CD96: variants seen among roughly 807,000 people sequenced by gnomAD.
The protein encoded by CD96 is T-cell surface protein tactile.
Under a neutral mutation model 71.3 loss-of-function variants are expected in CD96, and 70 were observed. The observed-to-expected ratio is 0.98, with a 90% CI of 0.81 to 1.20. The LOEUF (loss-of-function observed/expected upper bound fraction) is 1.20, where lower values mean the gene tolerates loss of function less well. Among genes scored for constraint, CD96 ranks in the 50% most tolerant of loss-of-function variants. The pLI, the probability that CD96 is intolerant of heterozygous loss-of-function variation, is 0.00. For synonymous variants in CD96, 248 were observed against 233.0 expected, an observed-to-expected ratio of 1.06 and a Z score of -0.59; for missense variants, 742 against 677.5, an observed-to-expected ratio of 1.10 and a Z score of -1.06.
chr3:111,647,874 T>C (rs1349503274), intron 13 of CD96, among the ~76,000 whole-genome samples: 1 of 152,166 alleles, frequency 6.6e-6, no homozygotes, highest in Non-Finnish European at 1.5e-5. Context: ...CCTCTCTGCA[T>C]TGGCCTAGTC....
intron 12 of CD96, among the ~76,000 whole-genome samples, chr3:111,644,417 C>T (rs2107777052): frequency 6.6e-6 from 1 of 151,966 alleles, no homozygotes; most frequent in East Asian, 1.9e-4. Context: ...ATTTCATGAC[C>T]AAGAACCCAA....
In CD96 at chr3:111,665,632, C is replaced by T. The variant is rs890596264; in HGVS notation, c.*158C>T. 4 of 152,186 alleles carry T rather than the reference C, an allele frequency of 2.6e-5. No individual in the cohort carries two copies. The East Asian group carries it at 5.8e-4, about 22-fold the overall frequency. The allele number at this position is 152,186 out of a possible 1,614,324, so 9.4% of individuals were successfully genotyped here. Reference sequence around the variant, plus strand: ...CTCCAGAGCAAACTTACCCTCTCACCGTTGAACCATTTCATATCAAAGAAA... The same window carrying T: ...CTCCAGAGCAAACTTACCCTCTCACTGTTGAACCATTTCATATCAAAGAAA... On this transcript the variant is annotated 3_prime_UTR_variant and NMD_transcript_variant, in exon 15 of 15. Transcript: ENST00000494798.
chr3:111,585,203 A>T (rs966030446), intron 4 of CD96, 120 bp from the exon 5 acceptor site: 1 of 346,476 alleles, frequency 2.9e-6, no homozygotes, highest in African/African-American at 2.2e-5. Context: ...ATAAATATTA[A>T]TTTATAAATA....
chr3:111,633,816 A>G (rs1402782765), intron 10 of CD96: 1 of 152,884 alleles, frequency 6.5e-6, no homozygotes, highest in Non-Finnish European at 1.5e-5. Context: ...AATCAAGATC[A>G]TCAAAATTCC....
intron 2 of CD96, among the ~76,000 whole-genome samples, chr3:111,555,533 G>A (rs1435520615): frequency 3.9e-5 from 6 of 152,282 alleles, no homozygotes; most frequent in African/African-American, 9.6e-5. Flanking sequence ...TCTTTCGATC[G>A]CCATTATTTC....
chr3:111,542,778 T>A (rs1576291018), intron 1 of CD96, among the ~76,000 whole-genome samples: 1 of 152,122 alleles, frequency 6.6e-6, no homozygotes, highest in African/African-American at 2.4e-5. Flanking sequence ...TCTTTGGGAG[T>A]TGAAAACACG....
At chr3:111,658,421 C>T (rs372597766) in intron 14 of CD96, among the ~76,000 whole-genome samples, 6 of 152,056 alleles carry the variant, frequency 3.9e-5, no homozygotes, top group Admixed American at 6.5e-5. Flanking sequence ...TTAAGAAATA[C>T]GAAGGGAGTG....
intron 13 of CD96, among the ~76,000 whole-genome samples, chr3:111,649,192 A>G (rs1211273074): frequency 1.3e-5 from 2 of 152,174 alleles, no homozygotes; most frequent in African/African-American, 4.8e-5. Context: ...GAATATTTTA[A>G]TCCACATAAA....
chr3:111,610,340 A>G (rs1937855194), intron 8 of CD96, among the ~76,000 whole-genome samples: 1 of 152,242 alleles, frequency 6.6e-6, no homozygotes, highest in Non-Finnish European at 1.5e-5. Context: ...GGTAGGATTC[A>G]CCTTTGCATG....
At chr3:111,591,138 GC>G (rs1003284772) in intron 5 of CD96, among the ~76,000 whole-genome samples, 12 of 152,108 alleles carry the variant, frequency 7.9e-5, no homozygotes, top group African/African-American at 2.9e-4. Flanking sequence ...ACTTTGGGAG[GC>G]CGAGGTGCGC....
Position 111,598,219 on chromosome 3 carries a change from A to G in CD96, c.898+9A>G. 9.0e-7 allele frequency: 1 copy of G among 1,105,522 alleles called. No homozygotes were observed. Among genetic ancestry groups the G allele is most frequent in the Non-Finnish European group, 1.4e-6 (1 of 716,352 alleles). The allele number at this position is 1,105,522 out of a possible 1,614,324, so 68.5% of individuals were successfully genotyped here. On this transcript the variant is annotated intron_variant, in intron 6 of 13. Transcript: ENST00000352690. ...TCATGATGAAAAAGAAGGTAAGGAA[A>G]CTAATCAATGGAAATAAGTTCGGTA... is the stretch of plus-strand genomic sequence containing the variant.
At chr3:111,636,547 A>G (rs556796356) in intron 10 of CD96, among the ~76,000 whole-genome samples, 2 of 152,306 alleles carry the variant, frequency 1.3e-5, no homozygotes, top group African/African-American at 2.4e-5. Context: ...CTTGCCAGAG[A>G]TGGGGCAATA....
At chr3:111,545,520 G>A (rs781641997) in intron 2 of CD96, 118 bp downstream of exon 2, 2 of 741,416 alleles carry the variant, frequency 2.7e-6, no homozygotes, top group Non-Finnish European at 4.8e-6. Flanking sequence ...TGAGCAGAAA[G>A]AGCTACTGTC....
intron 8 of CD96, among the ~76,000 whole-genome samples, chr3:111,611,420 T>C (rs2107677811): frequency 6.6e-6 from 1 of 152,270 alleles, no homozygotes. Context: ...TAGAAGAAAG[T>C]AAATCAGAAA....
chr3:111,639,568 G>T (rs1347021411), intron 12 of CD96, among the ~76,000 whole-genome samples: 1 of 152,130 alleles, frequency 6.6e-6, no homozygotes, highest in Non-Finnish European at 1.5e-5. Flanking sequence ...AAGACAAAGG[G>T]CATATAATCT....
chr3:111,615,533 C>T (rs886779912), intron 8 of CD96, among the ~76,000 whole-genome samples: 4 of 152,012 alleles, frequency 2.6e-5, no homozygotes, highest in Non-Finnish European at 5.9e-5. Flanking sequence ...CAGTAAGAAC[C>T]CAAGGTAGGA....
chr3:111,633,280 T>C (rs748638920), intron 10 of CD96, among the ~76,000 whole-genome samples: 37 of 152,156 alleles, frequency 2.4e-4, no homozygotes, highest in Non-Finnish European at 4.4e-4. Flanking sequence ...AAGTTCTCCA[T>C]CTTCTACGGG....
intron 8 of CD96, among the ~76,000 whole-genome samples, chr3:111,620,406 T>C (rs558496911): frequency 6.6e-6 from 1 of 152,268 alleles, no homozygotes; most frequent in Admixed American, 6.5e-5. Flanking sequence ...GATCAGGTCA[T>C]GGAATGTGAA....
intron 8 of CD96, among the ~76,000 whole-genome samples, chr3:111,618,591 T>TC (rs1447609970): frequency 4.5e-4 from 68 of 150,002 alleles, no homozygotes; most frequent in African/African-American, 1.3e-3. Context: ...TCTTTTTTTT[T>TC]TTTTTTTTTT....
Sources: gnomAD v4.1 joint callset for allele counts (sites outside exome capture counted in the v4.1 genomes callset) on GRCh38, gnomAD v4.1.1 for gene constraint, MANE v1.5 for transcripts, NCBI Gene and HGNC (gene_info 2026-07-23, HGNC 2026-07-21) for gene names.